Variants in EFNA4 observed in about 807,000 individuals in gnomAD.
The protein encoded by EFNA4 is ephrin-A4.
In EFNA4, 22 loss-of-function variants were observed where a neutral mutation model predicts 23.7. The ratio of observed to expected loss-of-function variants is 0.93; its 90% CI spans 0.66 to 1.32. The LOEUF (loss-of-function observed/expected upper bound fraction) is 1.32, where lower values mean the gene tolerates loss of function less well. EFNA4 is among the 40% of genes most tolerant of loss of function. The pLI is 0.00. For synonymous variants in EFNA4, 113 were observed against 108.3 expected (o/e 1.04, Z -0.27); for missense variants, 252 against 252.3 (o/e 1.00, Z 0.01).
chr1:155,063,816 C>CG lies in EFNA4; in HGVS notation c.-3dup. The CG allele has an allele frequency of 1.3e-6, 2 of 1,518,582 alleles. No individual in the cohort carries two copies. Among genetic ancestry groups the CG allele is most frequent in the Non-Finnish European group, 1.8e-6 (2 of 1,134,490 alleles). The allele number at this position is 1,518,582 out of a possible 1,614,324, so 94.1% of individuals were successfully genotyped here. A position where few individuals can be genotyped will look rare whatever the true frequency, so the allele number is the denominator to read the frequency against. ...TGCCAGGCCAGACCAAACCGGACCT[C>CG]GGGGGCGATGCGGCTGCTGCCCCTG... On this transcript the variant is annotated 5_prime_UTR_variant, in exon 1 of 4. Transcript: ENST00000368409. The surrounding 1 kb of genome is among the most constrained non-coding windows in gnomAD (Gnocchi z 4.1).
chr1:155,067,151 A>T, intron 2 of EFNA4, 135 bp downstream of exon 2: 1 of 1,214,146 alleles, frequency 8.2e-7, no homozygotes, highest in Admixed American at 2.4e-5. Flanking sequence ...CTCAGGACTG[A>T]GGAGGGAAAT....
rs71077978 is a variant in EFNA4, at chr1:155,068,427, A to ATTT, written c.470-394_470-392dup. Among the ~76,000 whole-genome samples, 244 of 25,374 alleles carry ATTT rather than the reference A, an allele frequency of 9.6e-3. 92 individuals carry two copies. Among genetic ancestry groups the ATTT allele is most frequent in the Admixed American group, 0.019 (28 of 1,454 alleles). The allele number at this position is 25,374 out of a possible 152,430, so 16.6% of individuals were successfully genotyped here. ...ACTACAGGTGTGTGCCACCCAGCTG[A>ATTT]TTTTTTTTTTTTTTTTTTTTTTTTT... On this transcript the variant is annotated intron_variant, in intron 3 of 3. Coordinates refer to ENST00000368409, the MANE Select transcript of EFNA4 (RefSeq NM_005227.3).
At position 155,066,976 on chromosome 1, in the gene EFNA4, C is replaced by T. The variant is rs761582524; in HGVS notation, c.360C>T (p.Leu120=). ...TTCAGCGCTTCACACCCTTCTCCCT[C>T]GGCTTTGAGTTCTTACCTGGAGAGA... ...EKIQRFTPFS[L]GFEFLPGETY... Residue 120 remains leucine (L), a synonymous_variant, in exon 2 of 4, where the codon CTC becomes CTT. Coordinates refer to ENST00000368409, the MANE Select transcript of EFNA4 (RefSeq NM_005227.3). 54 of 1,613,536 alleles carry T rather than the reference C, an allele frequency of 3.3e-5. 1 individual carries two copies. In the Admixed American group the frequency reaches 6.8e-4, roughly 20 times the overall value.
chr1:155,064,455 C>T (rs1010156831), intron 1 of EFNA4, among the ~76,000 whole-genome samples: 5 of 152,332 alleles, frequency 3.3e-5, no homozygotes, highest in Middle Eastern at 3.4e-3. Context: ...CAGCCCTGCC[C>T]TTCTAGCCGA....
In EFNA4 at chr1:155,066,828, A is replaced by T. The variant is rs773922536; in HGVS notation, c.212A>T (p.Glu71Val). ...GGCCCAGGGCCCCCTGAGGGCCCCG[A>T]GACGTTTGCTTTGTACATGGTGGAC... Reference protein sequence around the residue: ...YEGPGPPEGPETFALYMVDWP... With the variant: ...YEGPGPPEGPVTFALYMVDWP... Residue 71 changes from glutamate to valine, a missense_variant, in exon 2 of 4, where the codon GAG (glutamate) becomes GTG (valine). Physicochemically the swap from Glu to Val is moderately radical, Grantham distance 121. Transcript: ENST00000368409. The T allele has an allele frequency of 2.5e-6, 4 of 1,613,964 alleles. No homozygotes were observed. Among genetic ancestry groups the T allele is most frequent in the Non-Finnish European group, 3.4e-6 (4 of 1,179,984 alleles).
chr1:155,067,121 G>C (rs990418435), intron 2 of EFNA4, 105 bp downstream of exon 2: 5 of 1,381,770 alleles, frequency 3.6e-6, no homozygotes, highest in South Asian at 1.4e-5. Context: ...AATGTACATC[G>C]GGTTGAGGTA....
At chr1:155,068,667 T>TAA (rs1421393942) in intron 3 of EFNA4, among the ~76,000 whole-genome samples, 186 bp from the exon 4 acceptor site, 2 of 151,998 alleles carry the variant, frequency 1.3e-5, no homozygotes. Flanking sequence ...TGGTTGTCTC[T>TAA]ATTGGCAATT....
chr1:155,067,182 G>A (rs569595603), intron 2 of EFNA4, among the ~76,000 whole-genome samples, 166 bp downstream of exon 2: 1 of 152,316 alleles, frequency 6.6e-6, no homozygotes, highest in African/African-American at 2.4e-5. Flanking sequence ...GAGAAAGTAG[G>A]AGGAGCTAGG....
In EFNA4 at chr1:155,066,862, C is replaced by G. The variant is rs1244820785; in HGVS notation, c.246C>G (p.Gly82=). The change falls in exon 2 of 4, where the codon GGC becomes GGG. Residue 82 remains glycine, a synonymous_variant. Coordinates refer to ENST00000368409, the MANE Select transcript of EFNA4 (RefSeq NM_005227.3). ...TFALYMVDWP[G]YESCQAEGPR... ...CTTTGTACATGGTGGACTGGCCAGG[C>G]TATGAGTCCTGCCAGGCAGAGGGCC... The G allele has an allele frequency of 6.2e-7, 1 of 1,613,966 alleles. No individual in the cohort carries two copies. The highest frequency in any genetic ancestry group is 1.3e-5 in the African/African-American group (1 of 74,948).
chr1:155,064,109 G>C (rs1662915813), intron 1 of EFNA4, among the ~76,000 whole-genome samples, 173 bp downstream of exon 1: 1 of 152,198 alleles, frequency 6.6e-6, no homozygotes, highest in Non-Finnish European at 1.5e-5. Context: ...CGCGCCCTGG[G>C]TCTCCCCACA....
rs374604447 is a variant in EFNA4, at chr1:155,065,974, G to A, written c.114-756G>A. 9.9e-5 allele frequency among the ~76,000 whole-genome samples: 15 copies of A among 152,094 alleles called. No individual in the cohort carries two copies. The East Asian group carries it at 2.9e-3, about 29-fold the overall frequency. On this transcript the variant is annotated intron_variant, in intron 1 of 3. Coordinates refer to ENST00000368409, the MANE Select transcript of EFNA4 (RefSeq NM_005227.3). ...GATGGTCTTGATCTCCTGACCTCAT[G>A]ATCCGCCCGCCTCAGCCTCCCAAAG...
intron 1 of EFNA4, among the ~76,000 whole-genome samples, chr1:155,065,459 C>A (rs1662991786): frequency 6.6e-6 from 1 of 151,856 alleles, no homozygotes; most frequent in Admixed American, 6.6e-5. Context: ...TATGTGGACT[C>A]CCCCCATGCC....
intron 1 of EFNA4, among the ~76,000 whole-genome samples, chr1:155,066,416 A>G (rs1663046471): frequency 6.6e-6 from 1 of 152,214 alleles, no homozygotes; most frequent in South Asian, 2.1e-4. Flanking sequence ...CACTGGAGCT[A>G]GAGAGGTGTG....
At position 155,067,390 on chromosome 1, in the gene EFNA4, G is replaced by T; in HGVS notation, c.419G>T (p.Ser140Ile). 6.2e-7 allele frequency: 1 copy of T among 1,614,200 alleles called. No homozygotes were observed. Among genetic ancestry groups the T allele is most frequent in the South Asian group, 1.1e-5 (1 of 91,086 alleles). Residue 140 changes from serine to isoleucine, a missense_variant, in exon 3 of 4, where the codon AGT becomes ATT. Physicochemically the swap from Ser to Ile is moderately radical, Grantham distance 142. Transcript: ENST00000368409. ...TACCCAGCGGTGCCCACTCCAGAGA[G>T]TTCTGGCCAGTGCTTGAGGCTCCAG... Reference protein sequence around the residue: ...YYYISVPTPESSGQCLRLQVS... With the variant: ...YYYISVPTPEISGQCLRLQVS...
chr1:155,069,133 A>C lies in EFNA4; in HGVS notation c.*144A>C. ...TTGATGGGGGAGATCAGAGGGTCTG[A>C]GGTGACTCTTGCAGGAGCCTGTCCC... On this transcript the variant is annotated 3_prime_UTR_variant, in exon 4 of 4. Transcript: ENST00000368409. 1.2e-6 allele frequency: 2 copies of C among 1,611,514 alleles called. No homozygotes were observed. The highest frequency in any genetic ancestry group is 1.7e-6 in the Non-Finnish European group (2 of 1,179,146).
intron 1 of EFNA4, among the ~76,000 whole-genome samples, chr1:155,064,447 G>A (rs933142550): frequency 6.6e-6 from 1 of 152,146 alleles, no homozygotes; most frequent in Non-Finnish European, 1.5e-5. Flanking sequence ...TCCAGTGTCA[G>A]CCCTGCCCTT....
intron 3 of EFNA4, 107 bp downstream of exon 3, chr1:155,067,547 G>A: frequency 2.4e-6 from 3 of 1,274,152 alleles, no homozygotes; most frequent in Non-Finnish European, 3.4e-6. Flanking sequence ...TCCTGGTGAA[G>A]CTTCAAGCTG....
In EFNA4 at chr1:155,067,828, A is replaced by G. The variant is rs1282008453; in HGVS notation, c.469+388A>G. On this transcript the variant is annotated intron_variant, in intron 3 of 3. Coordinates refer to ENST00000368409, the MANE Select transcript of EFNA4 (RefSeq NM_005227.3). ...AGTAGAGATGGGGTTTCACCGTGTT[A>G]GCCAGGATGGTCTCGATCTCCTGAC... is the stretch of plus-strand genomic sequence containing the variant. 3.3e-5 allele frequency among the ~76,000 whole-genome samples: 5 copies of G among 152,048 alleles called. No homozygotes were observed. The East Asian group carries it at 9.7e-4, about 29-fold the overall frequency.
rs142288768 is a variant in EFNA4, at chr1:155,067,409, G to A, written c.438G>A (p.Arg146=). The change falls in exon 3 of 4, where the codon AGG becomes AGA. Residue 146 remains arginine, a synonymous_variant. Transcript: ENST00000368409. ...CAGAGAGTTCTGGCCAGTGCTTGAG[G>A]CTCCAGGTGTCTGTCTGCTGCAAGG... The part of the protein sequence containing the change: ...PTPESSGQCL[R]LQVSVCCKER... The A allele has an allele frequency of 3.7e-6, 6 of 1,614,040 alleles. No homozygotes were observed. In the African/African-American group the frequency reaches 6.7e-5, roughly 18 times the overall value.
Sources: gnomAD v4.1 joint callset for allele counts (sites outside exome capture counted in the v4.1 genomes callset) on GRCh38, gnomAD v4.1.1 for gene constraint, Gnocchi (gnomAD v3.1) non-coding constraint, MANE v1.5 for transcripts, NCBI Gene and HGNC (gene_info 2026-07-23, HGNC 2026-07-21) for gene names.